Variants in PARD3 observed in about 807,000 individuals in gnomAD.
PARD3 encodes the protein par-3 family cell polarity regulator.
PARD3 carries 75 observed loss-of-function variants against 155.4 expected under a neutral mutation model. The observed-to-expected ratio is 0.48, with a 90% CI of 0.40 to 0.58. The LOEUF (loss-of-function observed/expected upper bound fraction) is 0.58. Among genes scored for constraint, PARD3 ranks in the 20% least tolerant of loss-of-function variants. The pLI, the probability that PARD3 is intolerant of heterozygous loss-of-function variation, is 0.00. For missense variants in PARD3, 1,642 were observed against 1,721.7 expected, an observed-to-expected ratio of 0.95 and a Z score of 0.82; for synonymous variants, 576 against 610.5, an observed-to-expected ratio of 0.94 and a Z score of 0.83.
intron 24 of PARD3, among the ~76,000 whole-genome samples, chr10:34,113,810 A>G (rs1300679812): frequency 2.0e-5 from 3 of 152,178 alleles, no homozygotes; most frequent in African/African-American, 7.2e-5. Flanking sequence ...TTACCTATGA[A>G]ACAGGCATAA....
At chr10:34,117,811 T>A (rs570275110) in intron 24 of PARD3, among the ~76,000 whole-genome samples, 2 of 152,312 alleles carry the variant, frequency 1.3e-5, no homozygotes, top group African/African-American at 4.8e-5. Flanking sequence ...TTTGGGAGGC[T>A]AAGGCATGAG....
chr10:34,345,397 T>C, intron 15 of PARD3: 1 of 985,244 alleles, frequency 1.0e-6, no homozygotes, highest in Non-Finnish European at 1.2e-6. Flanking sequence ...CCTGTTAACA[T>C]AAAATTAATA....
At chr10:34,364,210 C>G (rs925491397) in intron 12 of PARD3, among the ~76,000 whole-genome samples, 1 of 151,958 alleles carries the variant, frequency 6.6e-6, no homozygotes, top group Admixed American at 6.6e-5. Flanking sequence ...ATCTCTGAGC[C>G]GCAACAAACG....
intron 22 of PARD3, among the ~76,000 whole-genome samples, chr10:34,157,533 C>A (rs1949066260): frequency 6.6e-6 from 1 of 152,180 alleles, no homozygotes; most frequent in Non-Finnish European, 1.5e-5. Context: ...ATATTCTCTG[C>A]ACCTCCTAAC....
At chr10:34,325,048 C>T (rs1020696031) in intron 19 of PARD3, among the ~76,000 whole-genome samples, 8 of 151,912 alleles carry the variant, frequency 5.3e-5, no homozygotes, top group South Asian at 2.1e-4. Context: ...TTTGCTTTGT[C>T]GCCCAAGCTG....
intron 22 of PARD3, among the ~76,000 whole-genome samples, chr10:34,213,454 T>A (rs1000965550): frequency 6.6e-6 from 1 of 151,906 alleles, no homozygotes; most frequent in Non-Finnish European, 1.5e-5. Flanking sequence ...TCAATATGAG[T>A]TTTGGTGGGG....
At chr10:34,439,017 CAAG>C (rs2076328993) in intron 5 of PARD3, among the ~76,000 whole-genome samples, 1 of 152,078 alleles carries the variant, frequency 6.6e-6, no homozygotes, top group African/African-American at 2.4e-5. Flanking sequence ...GAGAGAAAAA[CAAG>C]AGACATTCAC....
At chr10:34,266,952 C>T (rs1279274618) in intron 22 of PARD3, among the ~76,000 whole-genome samples, 2 of 152,070 alleles carry the variant, frequency 1.3e-5, no homozygotes, top group East Asian at 1.9e-4. Flanking sequence ...GCCTCAGGAG[C>T]TGGGAAGACA....
intron 1 of PARD3, among the ~76,000 whole-genome samples, chr10:34,813,936 T>TA (rs1384330706): frequency 6.6e-6 from 1 of 152,146 alleles, no homozygotes; most frequent in Non-Finnish European, 1.5e-5. Flanking sequence ...ACACAGTCGG[T>TA]AAAACAATTT....
At chr10:34,406,763 A>C (rs1844519829) in intron 5 of PARD3, among the ~76,000 whole-genome samples, 1 of 152,124 alleles carries the variant, frequency 6.6e-6, no homozygotes, top group Non-Finnish European at 1.5e-5. Context: ...ATGCAAGGGG[A>C]AAATCAAAAA....
intron 22 of PARD3, among the ~76,000 whole-genome samples, chr10:34,174,278 C>A (rs1438335074): frequency 6.6e-6 from 1 of 152,116 alleles, no homozygotes; most frequent in Non-Finnish European, 1.5e-5. Context: ...ATGACTACTG[C>A]GTTAGGTTGA....
chr10:34,193,602 T>A (rs1289211709), intron 22 of PARD3, among the ~76,000 whole-genome samples: 2 of 152,260 alleles, frequency 1.3e-5, no homozygotes. Context: ...ACATATTTGA[T>A]CAATTCTGCT....
intron 9 of PARD3, among the ~76,000 whole-genome samples, chr10:34,379,625 C>G (rs1298619964): frequency 1.3e-5 from 2 of 152,134 alleles, no homozygotes; most frequent in South Asian, 4.2e-4. Flanking sequence ...ATTAAAATAT[C>G]AGCAACAACC....
At chr10:34,532,458 T>C (rs2082925213) in intron 2 of PARD3, among the ~76,000 whole-genome samples, 1 of 152,200 alleles carries the variant, frequency 6.6e-6, no homozygotes, top group Non-Finnish European at 1.5e-5. Flanking sequence ...CATCACGTGT[T>C]TTCTTTATAT....
chr10:34,565,252 G>C (rs1466472099), intron 2 of PARD3, among the ~76,000 whole-genome samples: 2 of 135,724 alleles, frequency 1.5e-5, no homozygotes, highest in Admixed American at 1.5e-4. Flanking sequence ...AAAGACAAAG[G>C]AGCAAGGCTT....
At chr10:34,734,770 T>C (rs1007167086) in intron 1 of PARD3, among the ~76,000 whole-genome samples, 3 of 152,096 alleles carry the variant, frequency 2.0e-5, no homozygotes, top group Non-Finnish European at 2.9e-5. Context: ...TTCATTAATT[T>C]TAAACTATTA....
intron 2 of PARD3, among the ~76,000 whole-genome samples, chr10:34,649,202 C>T (rs1333516470): frequency 3.3e-5 from 5 of 152,100 alleles, no homozygotes; most frequent in Admixed American, 3.3e-4. Flanking sequence ...CTCAGCACTT[C>T]GGGAGCCAAG....
intron 23 of PARD3, among the ~76,000 whole-genome samples, chr10:34,123,428 G>GT (rs887239960): frequency 7.4e-5 from 11 of 149,452 alleles, no homozygotes; most frequent in South Asian, 2.1e-4. Context: ...ATTTTCCACA[G>GT]TTTTTTTTTT....
At chr10:34,523,619 G>C (rs185128769) in intron 2 of PARD3, among the ~76,000 whole-genome samples, 2 of 152,144 alleles carry the variant, frequency 1.3e-5, no homozygotes, top group Non-Finnish European at 2.9e-5. Flanking sequence ...CAGAAAGTGC[G>C]TGTTTGAGAG....
Sources: allele counts gnomAD v4.1 joint callset (sites outside exome capture counted in the v4.1 genomes callset), GRCh38; gene constraint gnomAD v4.1.1; transcripts MANE v1.5; gene names NCBI Gene and HGNC (gene_info 2026-07-23, HGNC 2026-07-21).